Variants in CDH18 observed in about 807,000 individuals in gnomAD.
CDH18 encodes the protein cadherin-18.
A neutral mutation model predicts 67.9 loss-of-function variants in CDH18; 31 were observed. That is an observed-to-expected ratio of 0.46 (90% CI 0.34 to 0.62). CDH18 has a LOEUF of 0.62. Ranked by LOEUF, CDH18 falls within the 20% of genes least tolerant of loss-of-function variation. CDH18 has a pLI of 0.01. For missense variants in CDH18, 890 were observed against 975.5 expected (o/e 0.91, Z 1.17); for synonymous variants, 362 against 347.2 (o/e 1.04, Z -0.48).
intron 5 of CDH18, among the ~76,000 whole-genome samples, chr5:19,706,091 T>C (rs920204281): frequency 2.0e-5 from 3 of 152,196 alleles, no homozygotes; most frequent in Non-Finnish European, 2.9e-5. Context: ...GCTTTTGATA[T>C]GCATATTAAT....
intron 2 of CDH18, among the ~76,000 whole-genome samples, chr5:20,189,209 T>A (rs1738343791): frequency 6.6e-6 from 1 of 152,136 alleles, no homozygotes; most frequent in African/African-American, 2.4e-5. Context: ...TGGAGCTTAA[T>A]GATAACCCTC....
At chr5:19,967,168 AG>A (rs1478305889) in intron 2 of CDH18, among the ~76,000 whole-genome samples, 1 of 152,076 alleles carries the variant, frequency 6.6e-6, no homozygotes, top group Admixed American at 6.6e-5. Flanking sequence ...TAAACTAAAT[AG>A]GAGAGATTAA....
At chr5:20,060,192 T>C (rs1238821043) in intron 2 of CDH18, among the ~76,000 whole-genome samples, 1 of 152,064 alleles carries the variant, frequency 6.6e-6, no homozygotes, top group Non-Finnish European at 1.5e-5. Flanking sequence ...AGGCGGAGCG[T>C]GGTGACTCAT....
intron 5 of CDH18, among the ~76,000 whole-genome samples, chr5:19,659,479 A>T (rs1009688426): frequency 6.6e-6 from 1 of 152,158 alleles, no homozygotes; most frequent in East Asian, 1.9e-4. Context: ...TATCTGCAGT[A>T]CCAATTCTAA....
intron 2 of CDH18, among the ~76,000 whole-genome samples, chr5:19,843,866 C>T (rs779394511): frequency 3.9e-5 from 6 of 152,178 alleles, no homozygotes; most frequent in Non-Finnish European, 8.8e-5. Flanking sequence ...ATGACTGTCC[C>T]GCTAGATTTT....
intron 3 of CDH18, among the ~76,000 whole-genome samples, chr5:19,791,763 C>T (rs536462437): frequency 6.6e-6 from 1 of 152,014 alleles, no homozygotes; most frequent in Non-Finnish European, 1.5e-5. Context: ...TTTCAAACTC[C>T]GAATGTGAAT....
At position 19,585,839 on chromosome 5, in the gene CDH18, CAATT is replaced by C. The variant is rs549313925; in HGVS notation, c.999+5214_999+5217del. On this transcript the variant is annotated intron_variant, in intron 7 of 12. Transcript: ENST00000382275. ...TTCCCATTCTCTCTCCACCTCATCA[CAATT>C]AGTTTCTCTCTCCATTGTAGCAAAG... 1.2e-3 allele frequency among the ~76,000 whole-genome samples: 183 copies of C among 152,266 alleles called. 1 individual carries two copies. Among genetic ancestry groups the C allele is most frequent in the African/African-American group, 4.3e-3 (179 of 41,544 alleles).
intron 2 of CDH18, among the ~76,000 whole-genome samples, chr5:20,076,271 GT>G: frequency 6.6e-6 from 1 of 150,730 alleles, no homozygotes; most frequent in East Asian, 2.0e-4. Flanking sequence ...CAGAATTTGT[GT>G]TAAAGGAGTC....
chr5:20,325,818 A>G (rs1375375896), intron 1 of CDH18, among the ~76,000 whole-genome samples: 4 of 152,132 alleles, frequency 2.6e-5, no homozygotes, highest in African/African-American at 9.7e-5. Flanking sequence ...GTTTCTGCTT[A>G]TAACCATAGA....
intron 1 of CDH18, among the ~76,000 whole-genome samples, chr5:20,381,876 A>G (rs890217329): frequency 1.3e-5 from 2 of 152,132 alleles, no homozygotes; most frequent in Non-Finnish European, 2.9e-5. Context: ...ATGAAATTGT[A>G]TCTTACTCTT....
chr5:19,886,562 G>A lies in CDH18; in HGVS notation c.-256-47320C>T, dbSNP rs530899073. ...TTCCTGAGATTTGCTGTGTTTCCTC[G>A]CAATCAATCTTTCTCTTTTGAGTAT... On this transcript the variant is annotated intron_variant, in intron 2 of 12. Coordinates refer to ENST00000382275, the MANE Select transcript of CDH18 (RefSeq NM_004934.5). Among the ~76,000 whole-genome samples, 5 of 152,118 alleles carry A rather than the reference G, an allele frequency of 3.3e-5. No homozygotes were observed. In the Middle Eastern group the frequency reaches 0.01, roughly 310 times the overall value.
rs1743222660 is a variant in CDH18, at chr5:20,069,118, G to A, written c.-517-77104C>T. ...GTGTTTTAAAACCTTCCTGATGCTA[G>A]GGTTCATTTTTATGTTGGTTGTCAT... On this transcript the variant is annotated intron_variant, in intron 2 of 14. Transcript: ENST00000507958. Among the ~76,000 whole-genome samples the A allele has an allele frequency of 3.3e-5, 5 of 152,000 alleles. No homozygotes were observed. In the South Asian group the frequency reaches 1.0e-3, roughly 31 times the overall value.
At chr5:19,537,523 T>C (rs1749615536) in intron 9 of CDH18, among the ~76,000 whole-genome samples, 1 of 152,098 alleles carries the variant, frequency 6.6e-6, no homozygotes, top group Non-Finnish European at 1.5e-5. Context: ...AGAATCCTAA[T>C]ACACAAATTC....
At chr5:20,351,503 T>A (rs563638717) in intron 1 of CDH18, among the ~76,000 whole-genome samples, 2 of 152,280 alleles carry the variant, frequency 1.3e-5, no homozygotes, top group Non-Finnish European at 2.9e-5. Context: ...GCACACTTAA[T>A]TATTTCTTTA....
Position 20,448,123 on chromosome 5 carries a change from C to T in CDH18, c.-580+127339G>A, listed in dbSNP as rs533513092. Among the ~76,000 whole-genome samples, 45 of 151,868 alleles carry T rather than the reference C, an allele frequency of 3.0e-4. 2 individuals carry two copies. In the South Asian group the frequency reaches 6.7e-3, roughly 23 times the overall value. ...CATATCCAAGCGCTCTCGTTCAATT[C>T]CCACCTATGATTGAGAACATGCGGT... On this transcript the variant is annotated intron_variant, in intron 1 of 14. Transcript: ENST00000507958.
intron 1 of CDH18, among the ~76,000 whole-genome samples, chr5:20,425,820 T>C (rs1748257968): frequency 1.3e-5 from 2 of 151,144 alleles, no homozygotes; most frequent in Admixed American, 6.6e-5. Context: ...TCTGTAATCT[T>C]ATACTTTAAA....
In CDH18 at chr5:20,444,814, C is replaced by G. The variant is rs141944442; in HGVS notation, c.-580+130648G>C. On this transcript the variant is annotated intron_variant, in intron 1 of 14. Transcript: ENST00000507958. ...TTTTTCTGGCCATCACCGTTCACTG[C>G]GACTACATTTTATAAAAAGAAAATA... Among the ~76,000 whole-genome samples the G allele has an allele frequency of 4.3e-4, 64 of 149,516 alleles. 1 individual carries two copies. Among genetic ancestry groups the G allele is most frequent in the South Asian group, 1.1e-3 (5 of 4,750 alleles).
chr5:19,499,906 G>T (rs1742957888), intron 11 of CDH18, among the ~76,000 whole-genome samples: 1 of 151,988 alleles, frequency 6.6e-6, no homozygotes, highest in Admixed American at 6.6e-5. Context: ...ACTCATCCTG[G>T]TTTCGGGGCT....
intron 1 of CDH18, among the ~76,000 whole-genome samples, chr5:20,401,937 A>T (rs1466078146): frequency 2.0e-5 from 3 of 152,140 alleles, no homozygotes; most frequent in African/African-American, 7.2e-5. Context: ...TAAAAGTGAA[A>T]TGCCCAAAAC....
Sources: gnomAD v4.1 joint callset for allele counts (sites outside exome capture counted in the v4.1 genomes callset) on GRCh38, gnomAD v4.1.1 for gene constraint, MANE v1.5 for transcripts, NCBI Gene and HGNC (gene_info 2026-07-23, HGNC 2026-07-21) for gene names.